Variants in ROBO2 observed in about 807,000 individuals in gnomAD.
The protein encoded by ROBO2 is roundabout homolog 2.
In ROBO2, 53 loss-of-function variants were observed where a neutral mutation model predicts 160.8. That is an observed-to-expected ratio of 0.33 (90% CI 0.26 to 0.41). The LOEUF is 0.41. Ranked by LOEUF, ROBO2 falls within the 10% of genes least tolerant of loss-of-function variation. The pLI, the probability that ROBO2 is intolerant of heterozygous loss-of-function variation, is 1.00. For synonymous variants in ROBO2, 664 were observed against 611.7 expected (o/e 1.09, Z -1.26); for missense variants, 1,577 against 1,722.4 (o/e 0.92, Z 1.49).
At chr3:75,944,016 T>C (rs1948170058) in intron 2 of ROBO2, among the ~76,000 whole-genome samples, 1 of 152,134 alleles carries the variant, frequency 6.6e-6, no homozygotes, top group Non-Finnish European at 1.5e-5. Context: ...TAAGATATTC[T>C]AGAAGCTAAT....
chr3:76,378,786 C>CA lies in ROBO2; in HGVS notation c.109+441190dup, dbSNP rs1440622719. Among the ~76,000 whole-genome samples, 18 of 152,136 alleles carry CA rather than the reference C, an allele frequency of 1.2e-4. No individual in the cohort carries two copies. In the East Asian group the frequency reaches 3.3e-3, roughly 28 times the overall value. ...AACCAGTAAATGGTAGGAGGTATTT[C>CA]AAAAAACTAGAGACAGAATATGGAA... On this transcript the variant is annotated intron_variant, in intron 2 of 26. Coordinates refer to the ROBO2 transcript ENST00000487694.
chr3:77,598,527 G>A (rs868198813), intron 19 of ROBO2, among the ~76,000 whole-genome samples: 14 of 139,972 alleles, frequency 1.0e-4, no homozygotes, highest in African/African-American at 2.7e-4. Flanking sequence ...ATATATATGT[G>A]TATATATATA....
chr3:77,418,167 A>C (rs1293471545), intron 2 of ROBO2, among the ~76,000 whole-genome samples: 1 of 151,830 alleles, frequency 6.6e-6, no homozygotes, highest in Non-Finnish European at 1.5e-5. Flanking sequence ...AAGTATGTGA[A>C]AAAGTCACAG....
chr3:77,617,650 C>G, exon 22 of ROBO2: 1 of 1,614,120 alleles, frequency 6.2e-7, no homozygotes, highest in Non-Finnish European at 8.5e-7. Context: ...CCTGCTATCT[C>G]CTTTGGACAG....
intron 2 of ROBO2, among the ~76,000 whole-genome samples, chr3:77,338,363 A>C (rs2066708956): frequency 6.6e-6 from 1 of 152,076 alleles, no homozygotes; most frequent in African/African-American, 2.4e-5. Flanking sequence ...TTGCTCTGAG[A>C]TTGTTCAGGA....
intron 20 of ROBO2, 40 bp downstream of exon 21, chr3:77,602,531 T>C (rs754668778): frequency 2.5e-6 from 4 of 1,606,308 alleles, no homozygotes; most frequent in South Asian, 1.1e-5. Flanking sequence ...TATTTTCATA[T>C]CATTTGTGCA....
chr3:76,440,966 G>T, intron 2 of ROBO2, among the ~76,000 whole-genome samples: 1 of 152,188 alleles, frequency 6.6e-6, no homozygotes, highest in East Asian at 1.9e-4. Context: ...AGCACATACA[G>T]CTGAAAACAT....
chr3:77,203,734 G>A (rs1050325803), intron 2 of ROBO2, among the ~76,000 whole-genome samples: 5 of 152,090 alleles, frequency 3.3e-5, no homozygotes, highest in African/African-American at 9.7e-5. Flanking sequence ...TGATAGTGGC[G>A]GCTGAAACTG....
chr3:77,581,977 T>C (rs372361830), intron 16 of ROBO2, among the ~76,000 whole-genome samples: 3 of 152,316 alleles, frequency 2.0e-5, no homozygotes, highest in South Asian at 4.1e-4. Context: ...TACCCTTTAT[T>C]ATTATTAAAT....
chr3:77,023,291 C>T (rs919071034), intron 2 of ROBO2, among the ~76,000 whole-genome samples: 2 of 152,306 alleles, frequency 1.3e-5, no homozygotes, highest in East Asian at 1.9e-4. Flanking sequence ...GATTGTGAGG[C>T]CTCCCCAGCC....
At chr3:76,972,666 G>C (rs974849749) in intron 2 of ROBO2, among the ~76,000 whole-genome samples, 1 of 152,020 alleles carries the variant, frequency 6.6e-6, no homozygotes, top group African/African-American at 2.4e-5. Flanking sequence ...AGACAAGCCT[G>C]AGCAACATAG....
At chr3:77,185,888 T>TGAGATTG (rs1387240111) in intron 2 of ROBO2, among the ~76,000 whole-genome samples, 13 of 151,822 alleles carry the variant, frequency 8.6e-5, no homozygotes, top group Non-Finnish European at 1.9e-4. Flanking sequence ...GCAACCTGGA[T>TGAGATTG]GAGATTGGAG....
At chr3:77,243,714 A>G (rs1560326138) in intron 2 of ROBO2, among the ~76,000 whole-genome samples, 2 of 152,194 alleles carry the variant, frequency 1.3e-5, no homozygotes, top group Admixed American at 6.5e-5. Flanking sequence ...GCCTTACACA[A>G]AGTTATCTAA....
chr3:77,210,740 C>G (rs1041314348), intron 2 of ROBO2, among the ~76,000 whole-genome samples: 25 of 144,084 alleles, frequency 1.7e-4, no homozygotes, highest in Non-Finnish European at 3.8e-4. Context: ...CCTCCCCCTT[C>G]CCCCCACCCC....
intron 2 of ROBO2, among the ~76,000 whole-genome samples, chr3:76,601,154 C>A (rs1200440768): frequency 1.3e-5 from 2 of 152,210 alleles, no homozygotes; most frequent in African/African-American, 4.8e-5. Context: ...GGCAGCTCTG[C>A]CCCTGTGGCT....
intron 2 of ROBO2, among the ~76,000 whole-genome samples, chr3:77,203,514 A>G (rs773486895): frequency 6.6e-6 from 1 of 152,226 alleles, no homozygotes; most frequent in Non-Finnish European, 1.5e-5. Flanking sequence ...GAAGCCAATG[A>G]TGGTGCTGAA....
At chr3:77,041,769 G>C (rs181628797) in intron 1 of ROBO2, among the ~76,000 whole-genome samples, 4 of 151,940 alleles carry the variant, frequency 2.6e-5, no homozygotes, top group African/African-American at 9.7e-5. Context: ...TTTTTATATC[G>C]ATGGAAACAA....
intron 2 of ROBO2, among the ~76,000 whole-genome samples, chr3:77,183,707 G>A (rs1167025063): frequency 6.6e-6 from 1 of 151,962 alleles, no homozygotes; most frequent in Non-Finnish European, 1.5e-5. Context: ...GAGATGACAG[G>A]TATTGTTTGT....
chr3:76,895,985 G>A (rs1173186764), intron 2 of ROBO2, among the ~76,000 whole-genome samples: 1 of 152,062 alleles, frequency 6.6e-6, no homozygotes, highest in Non-Finnish European at 1.5e-5. Context: ...CCATCACAAC[G>A]GCATGTGAGA....
Sources: allele counts gnomAD v4.1 joint callset (sites outside exome capture counted in the v4.1 genomes callset), GRCh38; gene constraint gnomAD v4.1.1; transcripts MANE v1.5; gene names NCBI Gene and HGNC (gene_info 2026-07-23, HGNC 2026-07-21).